The following CDC42BPG variants were observed in gnomAD, a reference collection of about 807,000 sequenced individuals.
The protein encoded by CDC42BPG is CDC42 binding protein kinase gamma, also known as serine/threonine-protein kinase MRCK gamma.
Under a neutral mutation model 192.2 loss-of-function variants are expected in CDC42BPG, and 157 were observed. The observed-to-expected ratio is 0.82, with a 90% confidence interval of 0.72 to 0.93. CDC42BPG has a LOEUF of 0.93. Among genes scored for constraint, CDC42BPG ranks in the 40% least tolerant of loss-of-function variants. The pLI, the probability that CDC42BPG is intolerant of heterozygous loss-of-function variation, is 0.00. For synonymous variants in CDC42BPG, 981 were observed against 918.5 expected (o/e 1.07, Z -1.23); for missense variants, 1,992 against 2,122.1 (o/e 0.94, Z 1.20).
intron 9 of CDC42BPG, 96 bp downstream of exon 9, chr11:64,837,987 G>A: frequency 9.5e-7 from 1 of 1,056,198 alleles, no homozygotes; most frequent in South Asian, 1.4e-5. Context: ...GAGCCCTTCT[G>A]CCCTCCTTCC....
At chr11:64,836,607 GT>G in intron 11 of CDC42BPG, 77 bp from the exon 12 acceptor site, 2 of 1,386,822 alleles carry the variant, frequency 1.4e-6, no homozygotes, top group South Asian at 2.3e-5. Flanking sequence ...TCCTTGGCCT[GT>G]TTCCCACACG....
chr11:64,829,337 G>A, intron 30 of CDC42BPG, 134 bp downstream of exon 30: 1 of 1,121,482 alleles, frequency 8.9e-7, no homozygotes, highest in South Asian at 1.5e-5. Flanking sequence ...GTGGGACAGG[G>A]TGTTGTTGGG....
chr11:64,833,772 A>G lies in CDC42BPG; in HGVS notation c.2531T>C (p.Leu844Pro). 6.2e-7 allele frequency: 1 copy of G among 1,614,196 alleles called. No homozygotes were observed. The highest frequency in any genetic ancestry group is 1.6e-4 in the Middle Eastern group (1 of 6,062). ...CAGGCTGCGTCGGCCCTCCGGCCTCAGATCTGGCTCTCCTCCATGCCTTGT... is the reference window on the plus strand; with the variant it reads ...CAGGCTGCGTCGGCCCTCCGGCCTCGGATCTGGCTCTCCTCCATGCCTTGT... ...EATRHGGEPD[L>P]RPEGRRSLRM... The change falls in exon 22 of 37, where the codon CTG (leucine) becomes CCG (proline). Residue 844 changes from leucine to proline, a missense_variant. Around this residue, in one of 2 missense-constraint regions of CDC42BPG, gnomAD observed 1,656 missense variants for 1,844.3 expected, o/e 0.90. Coordinates refer to ENST00000342711, the MANE Select transcript of CDC42BPG (RefSeq NM_017525.3).
chr11:64,838,819 T>C lies in CDC42BPG; in HGVS notation c.960A>G (p.Glu320=). 1 of 1,612,676 alleles carries C rather than the reference T, an allele frequency of 6.2e-7. No homozygotes were observed. Among genetic ancestry groups the C allele is most frequent in the East Asian group, 2.2e-5 (1 of 44,862 alleles). Residue 320 remains glutamate, a synonymous_variant, in exon 8 of 37, where the codon GAA becomes GAG. Coordinates refer to ENST00000342711, the MANE Select transcript of CDC42BPG (RefSeq NM_017525.3). ...CCAGCCCACCACGGCCTAGCCGCTC[T>C]TCCTGGCGACACAGCAGCTGGCGGA... ...DLIRQLLCRQ[E]ERLGRGGLDD...
chr11:64,824,084 A>T lies in CDC42BPG; in HGVS notation c.*389T>A. On this transcript the variant is annotated 3_prime_UTR_variant, in exon 37 of 37. Coordinates refer to ENST00000342711, the MANE Select transcript of CDC42BPG (RefSeq NM_017525.3). ...TCTTGGCCTCAGCTGGGAGTCAGACAGTCCACAGATAAGACCTCCAACCTG... is the reference window on the plus strand; with the variant it reads ...TCTTGGCCTCAGCTGGGAGTCAGACTGTCCACAGATAAGACCTCCAACCTG... 3.9e-6 allele frequency: 1 copy of T among 259,252 alleles called. No homozygotes were observed. The highest frequency in any genetic ancestry group is 7.5e-6 in the Non-Finnish European group (1 of 133,052). 16.1% of individuals were successfully genotyped at this position (259,252 alleles called of 1,614,324 possible).
chr11:64,824,670 G>C (rs1942351565), intron 36 of CDC42BPG, 141 bp from the exon 37 acceptor site: 2 of 611,416 alleles, frequency 3.3e-6, no homozygotes, highest in Admixed American at 3.1e-5. Context: ...GTGAGGTGAG[G>C]AGTAGAGGTG....
chr11:64,835,747 G>A lies in CDC42BPG; in HGVS notation c.1758+15C>T. The A allele has an allele frequency of 6.2e-7, 1 of 1,613,184 alleles. No individual in the cohort carries two copies. The highest frequency in any genetic ancestry group is 8.5e-7 in the Non-Finnish European group (1 of 1,179,616). Reference sequence around the variant, plus strand: ...GTGGGGAAGCACCTCTTGCCAAGGGGGAGGACTTGACTACCTTGGCCTGGG... The same window carrying A: ...GTGGGGAAGCACCTCTTGCCAAGGGAGAGGACTTGACTACCTTGGCCTGGG... On this transcript the variant is annotated intron_variant, in intron 14 of 36. Transcript: ENST00000342711.
Position 64,826,759 on chromosome 11 carries a change from G to A in CDC42BPG, c.4425C>T (p.Ser1475=), listed in dbSNP as rs1167070995. ...PEEKGRVARG[S]GPQRPHSFSE... Reference sequence around the variant, plus strand: ...AGAAGCTGTGGGGCCGCTGTGGGCCGGAGCCGCGGGCAACTCGGCCCTTCT... The same window carrying A: ...AGAAGCTGTGGGGCCGCTGTGGGCCAGAGCCGCGGGCAACTCGGCCCTTCT... The change falls in exon 35 of 37, where the codon TCC becomes TCT. Residue 1475 remains serine (S), a synonymous_variant. Coordinates refer to ENST00000342711, the MANE Select transcript of CDC42BPG (RefSeq NM_017525.3). 9 of 1,531,074 alleles carry A rather than the reference G, an allele frequency of 5.9e-6. No individual in the cohort carries two copies. Among genetic ancestry groups the A allele is most frequent in the South Asian group, 2.5e-5 (2 of 81,536 alleles). 94.8% of individuals were successfully genotyped at this position (1,531,074 alleles called of 1,614,324 possible).
intron 20 of CDC42BPG, 92 bp from the exon 21 acceptor site, chr11:64,834,069 G>A (rs375937757): frequency 1.3e-6 from 2 of 1,564,518 alleles, no homozygotes; most frequent in African/African-American, 1.4e-5. Context: ...AGTAAAATGG[G>A]AAATGACCAC....
At chr11:64,840,325 C>A in intron 4 of CDC42BPG, 57 bp from the exon 5 acceptor site, 1 of 1,585,320 alleles carries the variant, frequency 6.3e-7, no homozygotes, top group South Asian at 1.1e-5. Context: ...GCCACTTCAC[C>A]GCGGTCCCGC....
intron 36 of CDC42BPG, among the ~76,000 whole-genome samples, chr11:64,825,969 G>A (rs1310357899): frequency 2.0e-5 from 3 of 151,738 alleles, no homozygotes; most frequent in African/African-American, 7.3e-5. Flanking sequence ...GGGAGAGGCT[G>A]AGGTAGGAGA....
At position 64,826,762 on chromosome 11, in the gene CDC42BPG, G is replaced by A. The variant is rs367649320; in HGVS notation, c.4422C>T (p.Gly1474=). Reference sequence around the variant, plus strand: ...AGCTGTGGGGCCGCTGTGGGCCGGAGCCGCGGGCAACTCGGCCCTTCTCTT... The same window carrying A: ...AGCTGTGGGGCCGCTGTGGGCCGGAACCGCGGGCAACTCGGCCCTTCTCTT... The part of the protein sequence containing the change: ...APEEKGRVAR[G]SGPQRPHSFS... The change falls in exon 35 of 37, where the codon GGC becomes GGT. Residue 1474 remains glycine (G), a synonymous_variant. Coordinates refer to ENST00000342711, the MANE Select transcript of CDC42BPG (RefSeq NM_017525.3). 4 of 1,529,568 alleles carry A rather than the reference G, an allele frequency of 2.6e-6. No individual in the cohort carries two copies. The highest frequency in any genetic ancestry group is 2.4e-5 in the East Asian group (1 of 42,516). The allele number at this position is 1,529,568 out of a possible 1,614,324, so 94.7% of individuals were successfully genotyped here. A position where few individuals can be genotyped will look rare whatever the true frequency, so the allele number is the denominator to read the frequency against.
chr11:64,844,514 C>T lies in CDC42BPG; in HGVS notation c.56G>A (p.Cys19Tyr), dbSNP rs1592732554. The T allele has an allele frequency of 7.5e-7, 1 of 1,334,628 alleles. No individual in the cohort carries two copies. The highest frequency in any genetic ancestry group is 9.6e-7 in the Non-Finnish European group (1 of 1,042,824). 82.7% of individuals were successfully genotyped at this position (1,334,628 alleles called of 1,614,324 possible). A position where few individuals can be genotyped will look rare whatever the true frequency, so the allele number is the denominator to read the frequency against. ...ATCTAGGAGGCCGTCGAGCCCCGGG[C>T]AGCCGCCGGCCTCGCCCCGCGCCAG... ...EQLARGEAGG[C>Y]PGLDGLLDLL... The change falls in exon 1 of 37, where the codon TGC (cysteine) becomes TAC (tyrosine). Residue 19 changes from cysteine (C) to tyrosine (Y), a missense_variant. Cys to Tyr is a radical substitution (Grantham distance 194, BLOSUM62 -2). Transcript: ENST00000342711.
rs1458359152 is a variant in CDC42BPG, at chr11:64,841,924, G to A, written c.161-20C>T. ...GGCTGGCTGAGGGGACACAGGGCGGGACTCAGAGTGCAGGGAGGGAGGGCT... is the reference window on the plus strand; with the variant it reads ...GGCTGGCTGAGGGGACACAGGGCGGAACTCAGAGTGCAGGGAGGGAGGGCT... On this transcript the variant is annotated intron_variant, in intron 1 of 36. Coordinates refer to ENST00000342711, the MANE Select transcript of CDC42BPG (RefSeq NM_017525.3). 6.4e-7 allele frequency: 1 copy of A among 1,560,688 alleles called. No homozygotes were observed. Among genetic ancestry groups the A allele is most frequent in the Non-Finnish European group, 8.7e-7 (1 of 1,146,642 alleles).
intron 30 of CDC42BPG, 66 bp downstream of exon 30, chr11:64,829,405 G>T (rs1592687673): frequency 6.4e-7 from 1 of 1,563,688 alleles, no homozygotes. Flanking sequence ...AGTTGAGGCG[G>T]GACCCTGTCT....
chr11:64,830,372 A>C, intron 28 of CDC42BPG, 116 bp from the exon 29 acceptor site: 1 of 879,694 alleles, frequency 1.1e-6, no homozygotes, highest in Non-Finnish European at 1.8e-6. Context: ...GGTGGCAATA[A>C]TCCCGCTGTC....
rs372081240 is a variant in CDC42BPG, at chr11:64,838,665, G to T, written c.1114C>A (p.Leu372Ile). The change falls in exon 8 of 37, where the codon CTC (leucine) becomes ATC (isoleucine). Residue 372 changes from leucine to isoleucine, a missense_variant. By Grantham distance (5) the Leu-to-Ile change is conservative. This residue lies in a region of CDC42BPG where 1,656 missense variants were observed against 1,844.3 expected (regional missense o/e 0.90). Transcript: ENST00000342711. ...TSNFDVDDDTLNHPGTLPPPS... is the reference protein window; with the variant it reads ...TSNFDVDDDTINHPGTLPPPS... ...CCTTTGCCACTCACTGGATGGTTGA[G>T]GGTGTCGTCATCCACATCAAAGTTG... The T allele has an allele frequency of 1.2e-6, 2 of 1,612,868 alleles. No individual in the cohort carries two copies.
chr11:64,832,746 G>T lies in CDC42BPG; in HGVS notation c.2866-3C>A. On this transcript the variant is annotated splice_region_variant and splice_polypyrimidine_tract_variant and intron_variant, in intron 25 of 36. Coordinates refer to ENST00000342711, the MANE Select transcript of CDC42BPG (RefSeq NM_017525.3). The stretch of plus-strand genomic sequence containing the variant: ...CGGACACCTGAGGGCCGCGGCACCT[G>T]GCGGAAAGGCAAGCATGGGAGGGCT... 6.2e-7 allele frequency: 1 copy of T among 1,603,170 alleles called. No individual in the cohort carries two copies. The highest frequency in any genetic ancestry group is 1.1e-5 in the South Asian group (1 of 89,774).
At chr11:64,825,619 C>T (rs981725884) in intron 36 of CDC42BPG, among the ~76,000 whole-genome samples, 8 of 152,236 alleles carry the variant, frequency 5.3e-5, no homozygotes, top group Admixed American at 1.3e-4. Context: ...CCTGGTGTGA[C>T]GGGAGTGGGT....
Sources: allele counts gnomAD v4.1 joint callset (sites outside exome capture counted in the v4.1 genomes callset), GRCh38; gene constraint gnomAD v4.1.1; regional missense constraint gnomAD v4.1.1; transcripts MANE v1.5; gene names NCBI Gene and HGNC (gene_info 2026-07-23, HGNC 2026-07-21).